RGS7: variants seen among roughly 807,000 people sequenced by gnomAD.
RGS7 encodes the protein regulator of G protein signaling 7, also known as regulator of G-protein signaling 7.
Under a neutral mutation model 81.1 loss-of-function variants are expected in RGS7, and 27 were observed. That is an observed-to-expected ratio of 0.33 (90% confidence interval 0.25 to 0.46). The LOEUF (loss-of-function observed/expected upper bound fraction) is 0.46, where lower values mean the gene tolerates loss of function less well. Ranked by LOEUF, RGS7 falls within the 20% of genes least tolerant of loss-of-function variation. RGS7 has a pLI of 1.00. For missense variants in RGS7, 396 were observed against 607.4 expected, an observed-to-expected ratio of 0.65 and a Z score of 3.66; for synonymous variants, 208 against 207.7, an observed-to-expected ratio of 1.00 and a Z score of -0.01.
chr1:240,999,801 C>T (rs961973203), intron 3 of RGS7, among the ~76,000 whole-genome samples: 69 of 152,064 alleles, frequency 4.5e-4, no homozygotes, highest in Admixed American at 2.4e-3. Flanking sequence ...CGGGGTTTCG[C>T]CATGTCGGCC....
intron 9 of RGS7, among the ~76,000 whole-genome samples, chr1:240,865,601 T>G (rs769801613): frequency 2.0e-5 from 3 of 152,234 alleles, no homozygotes; most frequent in African/African-American, 7.2e-5. Context: ...GGACAGACTA[T>G]GAAGAAGAAA....
At chr1:241,290,096 C>A (rs1473091118) in intron 2 of RGS7, among the ~76,000 whole-genome samples, 12 of 152,200 alleles carry the variant, frequency 7.9e-5, no homozygotes. Flanking sequence ...GCATGCAAAT[C>A]TCCCTTTAAA....
intron 2 of RGS7, among the ~76,000 whole-genome samples, chr1:241,125,845 T>C (rs1225866389): frequency 1.3e-5 from 2 of 152,188 alleles, no homozygotes; most frequent in Admixed American, 1.3e-4. Flanking sequence ...TCTTATTTCC[T>C]CTTAGGAACT....
intron 4 of RGS7, among the ~76,000 whole-genome samples, chr1:240,979,474 T>C (rs768899721): frequency 1.3e-5 from 2 of 152,138 alleles, no homozygotes; most frequent in African/African-American, 4.8e-5. Context: ...GAGTATATTC[T>C]TGGTTAGAAG....
At chr1:240,921,449 GA>G (rs1271944635) in intron 6 of RGS7, among the ~76,000 whole-genome samples, 1 of 151,038 alleles carries the variant, frequency 6.6e-6, no homozygotes, top group Non-Finnish European at 1.5e-5. Flanking sequence ...ACAAGAAAAA[GA>G]AAAAAAGGGT....
chr1:240,997,908 C>G (rs1393008604), intron 3 of RGS7, among the ~76,000 whole-genome samples: 1 of 152,228 alleles, frequency 6.6e-6, no homozygotes, highest in Non-Finnish European at 1.5e-5. Flanking sequence ...TTGTTCTTAT[C>G]TGATATTCCA....
Position 241,287,621 on chromosome 1 carries a change from G to A in RGS7, c.78+68078C>T, listed in dbSNP as rs189016969. Reference sequence around the variant, plus strand: ...AACACGCCCTGGATCTACTTTTCCCGGTTTTATTTTTTTGTAACCCACAAG... The same window carrying A: ...AACACGCCCTGGATCTACTTTTCCCAGTTTTATTTTTTTGTAACCCACAAG... On this transcript the variant is annotated intron_variant, in intron 2 of 18. Transcript: ENST00000440928. Among the ~76,000 whole-genome samples, 395 of 152,106 alleles carry A rather than the reference G, an allele frequency of 2.6e-3. 4 individuals carry two copies. The highest frequency in any genetic ancestry group is 9.3e-3 in the African/African-American group (385 of 41,494).
At chr1:241,202,538 C>CAGCT (rs1266779160) in intron 2 of RGS7, among the ~76,000 whole-genome samples, 1 of 152,134 alleles carries the variant, frequency 6.6e-6, no homozygotes, top group Admixed American at 6.5e-5. Context: ...AAAGGATGAA[C>CAGCT]AGCTGTGTTG....
At chr1:241,223,566 A>G (rs1483212516) in intron 2 of RGS7, among the ~76,000 whole-genome samples, 1 of 152,174 alleles carries the variant, frequency 6.6e-6, no homozygotes, top group Non-Finnish European at 1.5e-5. Flanking sequence ...GATCCCAGAA[A>G]GGCAATGCTA....
intron 6 of RGS7, among the ~76,000 whole-genome samples, chr1:240,883,158 T>G: frequency 7.6e-6 from 1 of 131,826 alleles, no homozygotes; most frequent in Non-Finnish European, 1.6e-5. Flanking sequence ...ACATTTGGGT[T>G]GGTTCCAAGT....
intron 4 of RGS7, among the ~76,000 whole-genome samples, chr1:240,967,784 T>C (rs1400056579): frequency 1.3e-5 from 2 of 152,194 alleles, no homozygotes; most frequent in African/African-American, 4.8e-5. Flanking sequence ...ATTTTAGCTA[T>C]GGCTATCTCA....
intron 3 of RGS7, among the ~76,000 whole-genome samples, chr1:241,017,714 A>G (rs1013183174): frequency 1.3e-5 from 2 of 152,062 alleles, no homozygotes; most frequent in South Asian, 2.1e-4. Flanking sequence ...AGTGATTTCT[A>G]TCCCCCTCTG....
chr1:241,221,006 AAAG>A lies in RGS7; in HGVS notation c.79-122247_79-122245del, dbSNP rs2074921392. On this transcript the variant is annotated intron_variant, in intron 2 of 18. Transcript: ENST00000440928. ...GGAAGGAAGGAAGGAAGAGAGAGAG[AAAG>A]GAAGGAAGGAAGGAAGGAAGGAAGG... Among the ~76,000 whole-genome samples the A allele has an allele frequency of 6.9e-4, 58 of 84,638 alleles. 2 individuals carry two copies. The highest frequency in any genetic ancestry group is 2.2e-3 in the African/African-American group (56 of 25,002). The allele number at this position is 84,638 out of a possible 152,430, so 55.5% of individuals were successfully genotyped here. A position where few individuals can be genotyped will look rare whatever the true frequency, so the allele number is the denominator to read the frequency against.
At chr1:240,933,968 A>C (rs1205832204) in intron 5 of RGS7, among the ~76,000 whole-genome samples, 1 of 151,510 alleles carries the variant, frequency 6.6e-6, no homozygotes. Flanking sequence ...AGATTTTTTT[A>C]TTATTATTAT....
At chr1:241,006,051 T>C (rs532145757) in intron 3 of RGS7, among the ~76,000 whole-genome samples, 14 of 152,314 alleles carry the variant, frequency 9.2e-5, no homozygotes, top group African/African-American at 3.1e-4. Context: ...TTTATTTTGG[T>C]AAATCCCTTC....
intron 6 of RGS7, among the ~76,000 whole-genome samples, chr1:240,901,668 A>G (rs891249121): frequency 3.9e-5 from 6 of 152,126 alleles, no homozygotes; most frequent in African/African-American, 1.4e-4. Flanking sequence ...TGGTTGGCAT[A>G]GTTATAATGG....
At chr1:241,241,874 CT>C (rs1558227782) in intron 2 of RGS7, among the ~76,000 whole-genome samples, 2 of 151,752 alleles carry the variant, frequency 1.3e-5, no homozygotes, top group East Asian at 3.9e-4. Context: ...ACTGTGTTCG[CT>C]TTTTGAAATT....
chr1:240,851,990 T>G (rs1660194125), intron 9 of RGS7, among the ~76,000 whole-genome samples: 1 of 152,208 alleles, frequency 6.6e-6, no homozygotes, highest in Non-Finnish European at 1.5e-5. Context: ...ATTTAGAATA[T>G]TATATAAACT....
chr1:240,870,885 ACAAGAGC>A (rs1357527353), intron 6 of RGS7, among the ~76,000 whole-genome samples: 5 of 152,172 alleles, frequency 3.3e-5, no homozygotes, highest in African/African-American at 1.2e-4. Flanking sequence ...GCTTCATTTC[ACAAGAGC>A]CAATCTTCCA....
Sources: gnomAD v4.1 joint callset for allele counts (sites outside exome capture counted in the v4.1 genomes callset) on GRCh38, gnomAD v4.1.1 for gene constraint, MANE v1.5 for transcripts, NCBI Gene and HGNC (gene_info 2026-07-23, HGNC 2026-07-21) for gene names.